The following FLAD1 variants were observed in gnomAD, a reference collection of about 807,000 sequenced individuals.
FLAD1 encodes bifunctional FAD diphosphatase/FAD synthase.
Under a neutral mutation model 55.0 loss-of-function variants are expected in FLAD1, and 35 were observed. That is an observed-to-expected ratio of 0.64 (90% CI 0.49 to 0.84). The LOEUF (loss-of-function observed/expected upper bound fraction) is 0.84, where lower values mean the gene tolerates loss of function less well. Ranked by LOEUF, FLAD1 falls within the 40% of genes least tolerant of loss-of-function variation. The pLI, the probability that FLAD1 is intolerant of heterozygous loss-of-function variation, is 0.00. For synonymous variants in FLAD1, 267 were observed against 303.0 expected (o/e 0.88, Z 1.23); for missense variants, 665 against 742.6 (o/e 0.90, Z 1.21).
At position 154,988,972 on chromosome 1, in the gene FLAD1, T is replaced by G. The variant is rs2089247; in HGVS notation, c.1117+123T>G. On this transcript the variant is annotated intron_variant, in intron 2 of 6. Transcript: ENST00000292180. ...CTGAGAGGGCAGAAGATAGCTTCTGTTAATTCATTATTCTTCCAATAAATG... is the reference window on the plus strand; with the variant it reads ...CTGAGAGGGCAGAAGATAGCTTCTGGTAATTCATTATTCTTCCAATAAATG... The G allele has an allele frequency of 0.033, 50,279 of 1,509,870 alleles. 1,045 individuals carry two copies. The highest frequency in any genetic ancestry group is 0.087 in the African/African-American group (6,287 of 71,970). 93.5% of individuals were successfully genotyped at this position (1,509,870 alleles called of 1,614,324 possible).
chr1:154,986,515 C>T (rs1448064565), intron 1 of FLAD1, among the ~76,000 whole-genome samples: 1 of 152,152 alleles, frequency 6.6e-6, no homozygotes, highest in Non-Finnish European at 1.5e-5. Context: ...ATCTTCACAA[C>T]AACCCCACAC....
chr1:154,987,257 G>A (rs1159749158), intron 1 of FLAD1, among the ~76,000 whole-genome samples: 1 of 151,652 alleles, frequency 6.6e-6, no homozygotes, highest in African/African-American at 2.4e-5. Flanking sequence ...TCGAACTTCT[G>A]AGCTCAAGCG....
At chr1:154,987,923 G>A in intron 1 of FLAD1, 182 bp from the exon 2 acceptor site, 1 of 1,464,842 alleles carries the variant, frequency 6.8e-7, no homozygotes. Context: ...CAGAGACCCA[G>A]CTTTAAAACC....
intron 2 of FLAD1, 169 bp downstream of exon 2, chr1:154,989,018 A>G: frequency 6.9e-7 from 1 of 1,448,506 alleles, no homozygotes; most frequent in Non-Finnish European, 9.2e-7. Flanking sequence ...ACCTATTTTC[A>G]TCAGCACTGT....
In FLAD1 at chr1:154,983,409, A is replaced by T. The variant is rs1316032219; in HGVS notation, c.-286A>T. On this transcript the variant is annotated 5_prime_UTR_variant, in exon 1 of 7. It adds an upstream start codon to the 5' untranslated region. Coordinates refer to ENST00000292180, the MANE Select transcript of FLAD1 (RefSeq NM_025207.5). ...GGCAGAACAGGCAGGTGAGAGTCTAAGAGGGCTCAGTAATCTGAAGCTTGG... is the reference window on the plus strand; with the variant it reads ...GGCAGAACAGGCAGGTGAGAGTCTATGAGGGCTCAGTAATCTGAAGCTTGG... 3.0e-6 allele frequency: 1 copy of T among 328,660 alleles called. No individual in the cohort carries two copies. The highest frequency in any genetic ancestry group is 5.6e-6 in the Non-Finnish European group (1 of 177,704). The allele number at this position is 328,660 out of a possible 1,614,324, so 20.4% of individuals were successfully genotyped here.
intron 6 of FLAD1, 27 bp from the exon 7 acceptor site, chr1:154,992,875 G>A: frequency 6.2e-7 from 1 of 1,613,980 alleles, no homozygotes; most frequent in Non-Finnish European, 8.5e-7. Context: ...CCTACCACAT[G>A]CTTGCCCTCC....
At chr1:154,988,928 G>T in intron 2 of FLAD1, 79 bp downstream of exon 2, 1 of 1,586,544 alleles carries the variant, frequency 6.3e-7, no homozygotes, top group South Asian at 1.1e-5. Context: ...AGGGGCTGTT[G>T]GGTGCTTCCT....
rs778189394 is a variant in FLAD1, at chr1:154,983,666, C to G, written c.-29C>G. The stretch of plus-strand genomic sequence containing the variant: ...CTCAAGAGAGAAGAAGTTTTTAAGA[C>G]TAGAGCTAAGCAAGACATTTAAAAG... On this transcript the variant is annotated 5_prime_UTR_variant, in exon 1 of 7. Transcript: ENST00000292180. 1.3e-6 allele frequency: 2 copies of G among 1,579,206 alleles called. No homozygotes were observed. Among genetic ancestry groups the G allele is most frequent in the Admixed American group, 1.8e-5 (1 of 55,408 alleles).
chr1:154,983,737 C>A lies in FLAD1; in HGVS notation c.43C>A (p.Gln15Lys). 2.5e-6 allele frequency: 4 copies of A among 1,613,958 alleles called. No individual in the cohort carries two copies. Among genetic ancestry groups the A allele is most frequent in the Non-Finnish European group, 3.4e-6 (4 of 1,179,892 alleles). Residue 15 changes from glutamine (Q) to lysine (K), a missense_variant, in exon 1 of 7, where the codon CAA becomes AAA. Coordinates refer to ENST00000292180, the MANE Select transcript of FLAD1 (RefSeq NM_025207.5). ...AACACGTTTATTCCAGAGGCAGGAA[C>A]AAAGGAGTCGCTTGTCAAGGATCTG... ...LGTRLFQRQE[Q>K]RSRLSRIWLE...
In FLAD1 at chr1:154,983,699, G is replaced by T; in HGVS notation, c.5G>T (p.Gly2Val). Residue 2 changes from glycine to valine, a missense_variant, in exon 1 of 7, where the codon GGT becomes GTT. Gly to Val is a moderately radical substitution (Grantham distance 109). Transcript: ENST00000292180. The part of the protein sequence containing the change: M[G>V]WDLGTRLFQR... ...AAGCAAGACATTTAAAAGGACATGG[G>T]TTGGGATTTGGGAACACGTTTATTC... The T allele has an allele frequency of 6.2e-7, 1 of 1,609,296 alleles. No individual in the cohort carries two copies. The highest frequency in any genetic ancestry group is 8.5e-7 in the Non-Finnish European group (1 of 1,176,508).
In FLAD1 at chr1:154,988,752, C is replaced by G. The variant is rs760284211; in HGVS notation, c.1020C>G (p.Ala340=). The part of the protein sequence containing the change: ...EEEGPLEECL[A]YLTARLPQGS... ...AAGGACCCCTGGAGGAATGCTTGGC[C>G]TACCTGACTGCCCGTTTGCCCCAGG... The change falls in exon 2 of 7, where the codon GCC becomes GCG. Residue 340 remains alanine (A), a synonymous_variant. Transcript: ENST00000292180. 6.2e-7 allele frequency: 1 copy of G among 1,614,236 alleles called. No individual in the cohort carries two copies. Among genetic ancestry groups the G allele is most frequent in the African/African-American group, 1.3e-5 (1 of 75,064 alleles).
At chr1:154,992,517 CAG>C in intron 5 of FLAD1, 194 bp from the exon 6 acceptor site, 1 of 1,541,032 alleles carries the variant, frequency 6.5e-7, no homozygotes, top group Non-Finnish European at 8.9e-7. Flanking sequence ...GAATGGAAAG[CAG>C]AGAGTGGAGA....
Position 154,988,247 on chromosome 1 carries a change from A to T in FLAD1, c.515A>T (p.His172Leu). The change falls in exon 2 of 7, where the codon CAT becomes CTT. Residue 172 changes from histidine (H) to leucine (L), a missense_variant. His to Leu is a moderately conservative substitution (Grantham distance 99). Coordinates refer to ENST00000292180, the MANE Select transcript of FLAD1 (RefSeq NM_025207.5). Reference sequence around the variant, plus strand: ...ACTTCTTTCTCCAACCGCTTCACCCATGTCCTCACAGCAGGGGGCATCGGC... The same window carrying T: ...ACTTCTTTCTCCAACCGCTTCACCCTTGTCCTCACAGCAGGGGGCATCGGC... ...EVTSFSNRFT[H>L]VLTAGGIGPT... 1 of 1,614,164 alleles carries T rather than the reference A, an allele frequency of 6.2e-7. No individual in the cohort carries two copies. The highest frequency in any genetic ancestry group is 8.5e-7 in the Non-Finnish European group (1 of 1,180,024).
In FLAD1 at chr1:154,988,698, G is replaced by A. The variant is rs1202174363; in HGVS notation, c.966G>A (p.Gln322=). The A allele has an allele frequency of 5.0e-6, 8 of 1,614,086 alleles. No homozygotes were observed. The highest frequency in any genetic ancestry group is 6.8e-6 in the Non-Finnish European group (8 of 1,180,028). Reference sequence around the variant, plus strand: ...CTGACTGGGGCAGCAACTACTATCAGGTGAAGCTGACTCTAGACTCAGAGG... The same window carrying A: ...CTGACTGGGGCAGCAACTACTATCAAGTGAAGCTGACTCTAGACTCAGAGG... ...SYPDWGSNYY[Q]VKLTLDSEEE... Residue 322 remains glutamine (Q), a synonymous_variant, in exon 2 of 7, where the codon CAG becomes CAA. Coordinates refer to ENST00000292180, the MANE Select transcript of FLAD1 (RefSeq NM_025207.5).
At chr1:154,984,639 C>CG (rs1157595176) in intron 1 of FLAD1, among the ~76,000 whole-genome samples, 4 of 140,902 alleles carry the variant, frequency 2.8e-5, no homozygotes, top group Non-Finnish European at 6.0e-5. Context: ...ACGTGGGAGG[C>CG]GGAGGTTGCA....
intron 2 of FLAD1, 111 bp from the exon 3 acceptor site, chr1:154,989,449 C>T: frequency 1.7e-6 from 2 of 1,170,318 alleles, no homozygotes; most frequent in South Asian, 3.6e-5. Context: ...GGACTTTATC[C>T]TCAGAACACT....
intron 1 of FLAD1, among the ~76,000 whole-genome samples, chr1:154,987,114 G>T (rs1300225347): frequency 6.7e-6 from 1 of 149,744 alleles, no homozygotes; most frequent in East Asian, 2.0e-4. Flanking sequence ...TGCAGTCTCT[G>T]CCTCCCAGGC....
rs1175585426 is a variant in FLAD1 at position 154,983,354 on chromosome 1, GA to G, written c.-338del. On this transcript the variant is annotated 5_prime_UTR_variant, in exon 1 of 7. It introduces an in-frame stop codon into an upstream open reading frame of the 5' UTR. Coordinates refer to ENST00000292180, the MANE Select transcript of FLAD1 (RefSeq NM_025207.5). ...TACGGAAGCTGCCCCGGGACATGAG[GA>G]AAGGAACAAGGGAAAGAGCCGGTGA... The G allele has an allele frequency of 2.0e-5, 4 of 203,710 alleles. No homozygotes were observed. Among genetic ancestry groups the G allele is most frequent in the African/African-American group, 2.3e-5 (1 of 43,390 alleles). The allele number at this position is 203,710 out of a possible 1,614,324, so 12.6% of individuals were successfully genotyped here.
Position 154,990,734 on chromosome 1 carries a change from A to G in FLAD1, c.1554+206A>G, listed in dbSNP as rs1657822953. 7.9e-6 allele frequency: 4 copies of G among 505,364 alleles called. No individual in the cohort carries two copies. In the East Asian group the frequency reaches 9.7e-5, roughly 12 times the overall value. The allele number at this position is 505,364 out of a possible 1,614,324, so 31.3% of individuals were successfully genotyped here. A position where few individuals can be genotyped will look rare whatever the true frequency, so the allele number is the denominator to read the frequency against. On this transcript the variant is annotated intron_variant, in intron 5 of 6. Coordinates refer to ENST00000292180, the MANE Select transcript of FLAD1 (RefSeq NM_025207.5). ...TTCAATAGCAGGCATTGCACTTCCT[A>G]CTGTGGATAGAATAGTGACTTAGAC...
Sources: allele counts gnomAD v4.1 joint callset (sites outside exome capture counted in the v4.1 genomes callset), GRCh38; gene constraint gnomAD v4.1.1; transcripts MANE v1.5; gene names NCBI Gene and HGNC (gene_info 2026-07-23, HGNC 2026-07-21).